The following ZNF487 variants were observed in gnomAD, a reference collection of about 807,000 sequenced individuals.
The protein encoded by ZNF487 is zinc finger protein 487.
Under a neutral mutation model 3.0 loss-of-function variants are expected in ZNF487, and 4 were observed. The ratio of observed to expected loss-of-function variants is 1.35; its 90% CI spans 0.66 to 3.08. The LOEUF (loss-of-function observed/expected upper bound fraction) is 3.08. ZNF487 is among the 30% of genes most tolerant of loss of function. The pLI, the probability that ZNF487 is intolerant of heterozygous loss-of-function variation, is 0.01. For synonymous variants in ZNF487, 55 were observed against 34.6 expected, an observed-to-expected ratio of 1.59 and a Z score of -2.06; for missense variants, 146 against 98.7, an observed-to-expected ratio of 1.48 and a Z score of -2.03.
intron 1 of ZNF487, among the ~76,000 whole-genome samples, chr10:43,459,768 TTTATTATTATTATTATTATTA>T (rs71016770): frequency 5.3e-4 from 74 of 138,328 alleles, no homozygotes; most frequent in Middle Eastern, 3.6e-3. Context: ...AGGCTGTGAG[TTTATTATTATTATTATTATTA>T]TTATTATTAT....
the ZNF487 span, among the ~76,000 whole-genome samples, chr10:43,517,546 C>T: frequency 0.028 from 4,304 of 152,308 alleles, 95 homozygotes; most frequent in South Asian, 0.041. Flanking sequence ...GAGCCCCTGA[C>T]GCAAGAAACT....
Position 43,481,936 on chromosome 10 carries a change from G to T in ZNF487, c.*14G>T. 1.6e-6 allele frequency: 1 copy of T among 635,564 alleles called. No homozygotes were observed. The highest frequency in any genetic ancestry group is 2.8e-6 in the Non-Finnish European group (1 of 356,884). 39.4% of individuals were successfully genotyped at this position (635,564 alleles called of 1,614,324 possible). On this transcript the variant is annotated 3_prime_UTR_variant, in exon 4 of 4. Coordinates refer to ENST00000437590, the MANE Select transcript of ZNF487 (RefSeq NM_001355444.3). ...GAGACCCTGTGAATATAATGAACAT[G>T]TGAGAGCCTTTTCCGATAGACCAAT...
chr10:43,473,883 G>A (rs1175359953), intron 1 of ZNF487, among the ~76,000 whole-genome samples: 1 of 151,992 alleles, frequency 6.6e-6, no homozygotes, highest in African/African-American at 2.4e-5. Context: ...AAATCTGCCC[G>A]ATGCAGTGAC....
intron 1 of ZNF487, among the ~76,000 whole-genome samples, chr10:43,449,018 G>A (rs10899806): frequency 1.4e-5 from 2 of 145,368 alleles, no homozygotes. Flanking sequence ...AAAAAAAAAG[G>A]CTGGGTGCAG....
chr10:43,483,323 C>T, downstream of ZNF487: 1 of 356,026 alleles, frequency 2.8e-6, no homozygotes. Context: ...TCACCGCAAC[C>T]TCTGTCTCCT....
At chr10:43,487,806 C>T (rs1457967561), downstream of ZNF487, among the ~76,000 whole-genome samples, 3 of 151,578 alleles carry the variant, frequency 2.0e-5, no homozygotes, top group Non-Finnish European at 2.9e-5. Context: ...ATTTTGAGGC[C>T]GGGCGCAGTG....
intron 1 of ZNF487, among the ~76,000 whole-genome samples, chr10:43,455,636 G>A (rs368798329): frequency 5.3e-5 from 8 of 152,248 alleles, no homozygotes; most frequent in Non-Finnish European, 1.0e-4. Context: ...GGCGCGGCGC[G>A]CTTGTGGCAG....
the ZNF487 span, among the ~76,000 whole-genome samples, chr10:43,513,129 C>T: frequency 3.3e-5 from 5 of 152,124 alleles, no homozygotes; most frequent in Admixed American, 1.3e-4. Flanking sequence ...CTTGCGGCAG[C>T]GAAAAGTGAT....
chr10:43,482,041 C>T lies in ZNF487; in HGVS notation c.*119C>T, dbSNP rs1315798046. 17 of 578,940 alleles carry T rather than the reference C, an allele frequency of 2.9e-5. No individual in the cohort carries two copies. The South Asian group carries it at 3.5e-4, about 12-fold the overall frequency. 35.9% of individuals were successfully genotyped at this position (578,940 alleles called of 1,614,324 possible). A position where few individuals can be genotyped will look rare whatever the true frequency, so the allele number is the denominator to read the frequency against. ...ATGTGAGAGGAGGTCTGGTGAGAGG[C>T]CACCTGTAAATAAACACCACAGGGT... On this transcript the variant is annotated 3_prime_UTR_variant, in exon 4 of 4. Transcript: ENST00000437590.
At chr10:43,502,446 A>C in the ZNF487 span, among the ~76,000 whole-genome samples, 2 of 152,136 alleles carry the variant, frequency 1.3e-5, no homozygotes, top group South Asian at 4.1e-4. Context: ...TGGGTGCAGC[A>C]CACCAACATG....
the ZNF487 span, among the ~76,000 whole-genome samples, chr10:43,494,497 C>G: frequency 6.6e-6 from 1 of 152,020 alleles, no homozygotes; most frequent in Admixed American, 6.6e-5. Context: ...TCCTCTTAAG[C>G]TCTTCTCCAC....
At chr10:43,496,498 T>G in the ZNF487 span, among the ~76,000 whole-genome samples, 1 of 152,166 alleles carries the variant, frequency 6.6e-6, no homozygotes, top group Non-Finnish European at 1.5e-5. Flanking sequence ...GCATGGATAT[T>G]AGAGGAAGAG....
At chr10:43,486,520 CCTT>C (rs920997848), downstream of ZNF487, among the ~76,000 whole-genome samples, 10 of 151,068 alleles carry the variant, frequency 6.6e-5, no homozygotes, top group African/African-American at 2.4e-4. Context: ...GAGTGAAACT[CCTT>C]CTCAAAAAAA....
chr10:43,498,099 A>ATTTT, the ZNF487 span, among the ~76,000 whole-genome samples: 36 of 20,188 alleles, frequency 1.8e-3, 1 homozygote, highest in Non-Finnish European at 2.2e-3. Context: ...ATATATATAT[A>ATTTT]TTTTTTTTTT....
At chr10:43,457,557 G>GAAAAAAA (rs1369137448) in intron 1 of ZNF487, among the ~76,000 whole-genome samples, 4 of 103,336 alleles carry the variant, frequency 3.9e-5, no homozygotes, top group Admixed American at 1.0e-4. Context: ...TCTGTCTTGG[G>GAAAAAAA]GAAAAAAAAA....
chr10:43,520,482 G>A, the ZNF487 span, among the ~76,000 whole-genome samples: 1 of 152,286 alleles, frequency 6.6e-6, no homozygotes, highest in South Asian at 2.1e-4. Flanking sequence ...ACTAGTATGT[G>A]TCCACTGATT....
At chr10:43,465,472 G>C (rs561507267) in intron 1 of ZNF487, among the ~76,000 whole-genome samples, 1 of 151,852 alleles carries the variant, frequency 6.6e-6, no homozygotes, top group Admixed American at 6.6e-5. Flanking sequence ...CTTCTCAGAC[G>C]GGGCGGCCGG....
chr10:43,441,672 TGCCTC>T (rs1839618314), intron 1 of ZNF487, among the ~76,000 whole-genome samples: 1 of 152,090 alleles, frequency 6.6e-6, no homozygotes, highest in African/African-American at 2.4e-5. Context: ...CTGCAACGTC[TGCCTC>T]CTGGGTTCAA....
rs1398306780 is a variant in ZNF487, at chr10:43,475,864, T to A, written c.34+17T>A. On this transcript the variant is annotated intron_variant, in intron 2 of 3. Coordinates refer to ENST00000437590, the MANE Select transcript of ZNF487 (RefSeq NM_001355444.3). ...TCTCAGTGGGTAAGGATTATGTAAT[T>A]TGCAGCTTCAAATAACATTTATTTC... 2 of 750,666 alleles carry A rather than the reference T, an allele frequency of 2.7e-6. No individual in the cohort carries two copies. Among genetic ancestry groups the A allele is most frequent in the Non-Finnish European group, 4.9e-6 (2 of 405,322 alleles). The allele number at this position is 750,666 out of a possible 1,614,324, so 46.5% of individuals were successfully genotyped here.
Sources: gnomAD v4.1 joint callset for allele counts (sites outside exome capture counted in the v4.1 genomes callset) on GRCh38, gnomAD v4.1.1 for gene constraint, MANE v1.5 for transcripts, NCBI Gene and HGNC (gene_info 2026-07-23, HGNC 2026-07-21) for gene names.